MGA: variants seen among roughly 807,000 people sequenced by gnomAD.
MGA encodes MAX dimerization protein MGA, also known as MAX gene-associated protein.
In MGA, 40 loss-of-function variants were observed where a neutral mutation model predicts 261.1. That is an observed-to-expected ratio of 0.15 (90% confidence interval 0.12 to 0.20). The LOEUF is 0.20. MGA is among the 10% of genes least tolerant of loss of function. The pLI is 1.00. For synonymous variants in MGA, 1,302 were observed against 1,290.6 expected (o/e 1.01, Z -0.19); for missense variants, 3,397 against 3,630.5 (o/e 0.94, Z 1.65).
intron 16 of MGA, 52 bp from the exon 17 acceptor site, chr15:41,749,059 C>G (rs962647782): frequency 9.0e-6 from 14 of 1,559,572 alleles, no homozygotes; most frequent in Middle Eastern, 3.5e-4. Context: ...CATTGGAAGT[C>G]TTGATATGGG....
At chr15:41,740,911 A>C (rs2062053116) in intron 14 of MGA, among the ~76,000 whole-genome samples, 1 of 152,152 alleles carries the variant, frequency 6.6e-6, no homozygotes, top group Admixed American at 6.5e-5. Context: ...GTGTTTTAGC[A>C]TTGAGAGTAT....
At chr15:41,631,178 A>G (rs1469282910) in intron 1 of MGA, among the ~76,000 whole-genome samples, 2 of 152,204 alleles carry the variant, frequency 1.3e-5, no homozygotes, top group African/African-American at 4.8e-5. Context: ...TTAAGCCCAT[A>G]ATTATATTCT....
At chr15:41,646,527 T>G (rs1194033695) in intron 1 of MGA, among the ~76,000 whole-genome samples, 2 of 151,936 alleles carry the variant, frequency 1.3e-5, no homozygotes, top group African/African-American at 4.8e-5. Context: ...TCTGCCATGT[T>G]GGCCAGGTTG....
chr15:41,694,429 A>G (rs777664580), intron 2 of MGA, among the ~76,000 whole-genome samples: 18 of 152,044 alleles, frequency 1.2e-4, no homozygotes, highest in Non-Finnish European at 1.8e-4. Flanking sequence ...TCAGAAGAAA[A>G]TATTTTAGTT....
At chr15:41,751,297 A>G (rs2062817791) in intron 17 of MGA, 1 of 152,154 alleles carries the variant, frequency 6.6e-6, no homozygotes, top group Non-Finnish European at 1.5e-5. Context: ...GATACAGTGC[A>G]GGAGTTGTAC....
chr15:41,625,580 G>A (rs913099186), intron 1 of MGA, among the ~76,000 whole-genome samples: 25 of 152,160 alleles, frequency 1.6e-4, no homozygotes, highest in African/African-American at 6.0e-4. Context: ...TTGGTGTGGT[G>A]GCACATGCCT....
At chr15:41,640,405 A>T (rs2056797327) in intron 1 of MGA, among the ~76,000 whole-genome samples, 1 of 152,226 alleles carries the variant, frequency 6.6e-6, no homozygotes, top group South Asian at 2.1e-4. Flanking sequence ...GAATTTACAA[A>T]GGAGTTGTTG....
chr15:41,636,379 G>A (rs1001113858), intron 1 of MGA, among the ~76,000 whole-genome samples: 3 of 149,676 alleles, frequency 2.0e-5, no homozygotes, highest in African/African-American at 4.9e-5. Context: ...TGCAACCCCC[G>A]CCCCCCAGGT....
chr15:41,637,948 C>G (rs2056741937), intron 1 of MGA, among the ~76,000 whole-genome samples: 1 of 149,676 alleles, frequency 6.7e-6, no homozygotes, highest in African/African-American at 2.5e-5. Flanking sequence ...TTTCGTTGGC[C>G]AGGCTGGTCT....
intron 1 of MGA, among the ~76,000 whole-genome samples, chr15:41,660,826 C>G (rs1342539443): frequency 6.6e-6 from 1 of 152,194 alleles, no homozygotes; most frequent in African/African-American, 2.4e-5. Flanking sequence ...GTGAGAAGCG[C>G]CCATGGCTCG....
chr15:41,737,957 G>T (rs376659587), intron 13 of MGA, among the ~76,000 whole-genome samples: 1 of 151,816 alleles, frequency 6.6e-6, no homozygotes, highest in East Asian at 1.9e-4. Flanking sequence ...TCCAGCTTGG[G>T]CAACAGAGGG....
At chr15:41,628,205 T>C (rs1419124811) in intron 1 of MGA, among the ~76,000 whole-genome samples, 2 of 151,904 alleles carry the variant, frequency 1.3e-5, no homozygotes, top group Non-Finnish European at 2.9e-5. Flanking sequence ...ACCCTGTCTC[T>C]ACTAAAAAAT....
chr15:41,707,926 GT>G (rs778186833), intron 6 of MGA, 67 bp downstream of exon 6: 33 of 1,538,154 alleles, frequency 2.1e-5, no homozygotes, highest in Non-Finnish European at 2.7e-5. Flanking sequence ...TGTAACGTAA[GT>G]AAAAAGCTAC....
intron 9 of MGA, among the ~76,000 whole-genome samples, chr15:41,726,847 C>T (rs1410282124): frequency 6.6e-6 from 1 of 152,070 alleles, no homozygotes; most frequent in African/African-American, 2.4e-5. Flanking sequence ...ACATGGCTTA[C>T]CATTACTTGA....
At chr15:41,722,582 A>G (rs971252013) in intron 9 of MGA, among the ~76,000 whole-genome samples, 1 of 152,138 alleles carries the variant, frequency 6.6e-6, no homozygotes, top group Non-Finnish European at 1.5e-5. Context: ...GCACTGTTCT[A>G]TTTCTTGTAT....
At chr15:41,692,057 T>G (rs538458804) in intron 2 of MGA, among the ~76,000 whole-genome samples, 22 of 152,376 alleles carry the variant, frequency 1.4e-4, no homozygotes, top group African/African-American at 5.3e-4. Flanking sequence ...CAGTTACTAG[T>G]ATGTTAGATC....
chr15:41,696,653 A>T lies in MGA; in HGVS notation c.1643A>T (p.Glu548Val), dbSNP rs1316270154. ...GTACAAAAATATCCCTTACTGAAAGAGCCTCAGTGGAAATATCCTGATATA... is the reference window on the plus strand; with the variant it reads ...GTACAAAAATATCCCTTACTGAAAGTGCCTCAGTGGAAATATCCTGATATA... The change falls in exon 3 of 24, where the codon GAG becomes GTG. Residue 548 changes from glutamate (E) to valine (V), a missense_variant. By Grantham distance (121) the Glu-to-Val change is moderately radical. Around this residue, in one of 9 missense-constraint regions of MGA, gnomAD observed 563 missense variants for 563.6 expected, o/e 1.00. Transcript: ENST00000219905. The T allele has an allele frequency of 6.2e-7, 1 of 1,613,082 alleles. No individual in the cohort carries two copies. Among genetic ancestry groups the T allele is most frequent in the East Asian group, 2.2e-5 (1 of 44,894 alleles).
At chr15:41,704,273 GGCTT>G (rs2059997179) in intron 5 of MGA, among the ~76,000 whole-genome samples, 1 of 151,702 alleles carries the variant, frequency 6.6e-6, no homozygotes, top group Non-Finnish European at 1.5e-5. Flanking sequence ...TCAAACTCCT[GGCTT>G]CAGCCCATCC....
At chr15:41,627,291 C>G (rs796584566) in intron 1 of MGA, among the ~76,000 whole-genome samples, 6 of 152,288 alleles carry the variant, frequency 3.9e-5, no homozygotes, top group African/African-American at 1.4e-4. Flanking sequence ...ATGTCACTTT[C>G]TTGTTTCACT....
Sources: allele counts gnomAD v4.1 joint callset (sites outside exome capture counted in the v4.1 genomes callset), GRCh38; gene constraint gnomAD v4.1.1; regional missense constraint gnomAD v4.1.1; transcripts MANE v1.5; gene names NCBI Gene and HGNC (gene_info 2026-07-23, HGNC 2026-07-21).